ARMC2: variants seen among roughly 807,000 people sequenced by gnomAD.
The protein encoded by ARMC2 is armadillo repeat containing 2, also known as armadillo repeat-containing protein 2.
ARMC2 carries 67 observed loss-of-function variants against 90.3 expected under a neutral mutation model. That is an observed-to-expected ratio of 0.74 (90% CI 0.61 to 0.91). ARMC2 has a LOEUF of 0.91. Among genes scored for constraint, ARMC2 ranks in the 40% least tolerant of loss-of-function variants. The probability of loss-of-function intolerance (pLI) is 0.00; values close to 1 mark genes in which losing one functional copy is unlikely to be tolerated. For missense variants in ARMC2, 920 were observed against 1,030.9 expected (o/e 0.89, Z 1.47); for synonymous variants, 393 against 393.0 (o/e 1.00, Z 0.00).
the ARMC2 span, chr6:108,998,764 GA>G: frequency 0.024 from 24,284 of 992,434 alleles, 3 homozygotes; most frequent in South Asian, 0.048. Context: ...CCCTTAGGGG[GA>G]AAAAAAAAAA....
intron 10 of ARMC2, among the ~76,000 whole-genome samples, chr6:108,913,030 T>C (rs1773596905): frequency 6.6e-6 from 1 of 151,860 alleles, no homozygotes; most frequent in African/African-American, 2.4e-5. Context: ...CCCGAGACTG[T>C]AGGAATGCAG....
intron 5 of ARMC2, among the ~76,000 whole-genome samples, chr6:108,892,802 T>TA (rs1771222540): frequency 1.4e-5 from 2 of 147,432 alleles, no homozygotes; most frequent in Admixed American, 1.4e-4. Flanking sequence ...GTTAATGAAG[T>TA]AAAAAATGGT....
chr6:109,047,802 C>G, the ARMC2 span, among the ~76,000 whole-genome samples: 3 of 144,362 alleles, frequency 2.1e-5, no homozygotes, highest in Non-Finnish European at 4.6e-5. Context: ...TACCCCCAAC[C>G]CTGTGCTCTC....
chr6:109,009,528 C>A, the ARMC2 span: 3 of 1,177,288 alleles, frequency 2.5e-6, no homozygotes, highest in Non-Finnish European at 2.1e-6. Context: ...CGGCTCCTGG[C>A]TGCAGCGCCT....
At chr6:108,884,925 A>G (rs1343603424) in intron 5 of ARMC2, among the ~76,000 whole-genome samples, 2 of 152,214 alleles carry the variant, frequency 1.3e-5, no homozygotes, top group Non-Finnish European at 2.9e-5. Flanking sequence ...CCTGCATGGC[A>G]CTGGTTAACA....
rs539672206 is a variant in ARMC2, at chr6:108,854,579, A to G, written c.218+94A>G. ...ACTTAAGGTTAGCTTTTAAAAATAG[A>G]CTTATTTTTTAGAACAGTTTTAAGT... is the stretch of plus-strand genomic sequence containing the variant. On this transcript the variant is annotated intron_variant, in intron 2 of 17. Transcript: ENST00000392644. 1.9e-4 allele frequency: 249 copies of G among 1,280,790 alleles called. 1 individual carries two copies. In the African/African-American group the frequency reaches 3.4e-3, roughly 18 times the overall value. 79.3% of individuals were successfully genotyped at this position (1,280,790 alleles called of 1,614,324 possible).
At chr6:108,907,475 T>TA in intron 8 of ARMC2, 1 of 500,820 alleles carries the variant, frequency 2.0e-6, no homozygotes, top group South Asian at 4.6e-5. Flanking sequence ...TTTTTTTTTT[T>TA]TTACCAGTCA....
chr6:108,923,464 T>A (rs58658971), intron 10 of ARMC2, among the ~76,000 whole-genome samples: 106 of 152,062 alleles, frequency 7.0e-4, no homozygotes, highest in African/African-American at 2.3e-3. Flanking sequence ...CACAGATTTA[T>A]CTCTGTTCAA....
chr6:108,872,859 G>C lies in ARMC2; in HGVS notation c.464-3284G>C, dbSNP rs538566865. Reference sequence around the variant, plus strand: ...GTTAATAGCTTCTCTTTGGAAAAAGGGTTCAGTGCTCAAATAGGTCAGGGA... The same window carrying C: ...GTTAATAGCTTCTCTTTGGAAAAAGCGTTCAGTGCTCAAATAGGTCAGGGA... On this transcript the variant is annotated intron_variant, in intron 4 of 17. Transcript: ENST00000392644. Among the ~76,000 whole-genome samples, 17 of 152,268 alleles carry C rather than the reference G, an allele frequency of 1.1e-4. No homozygotes were observed. In the South Asian group the frequency reaches 3.3e-3, roughly 30 times the overall value.
At chr6:108,859,929 G>A (rs1042905380) in intron 3 of ARMC2, among the ~76,000 whole-genome samples, 3 of 151,716 alleles carry the variant, frequency 2.0e-5, no homozygotes, top group Non-Finnish European at 2.9e-5. Flanking sequence ...GCTTGAACTC[G>A]GGAGATGGAG....
the ARMC2 span, chr6:108,992,994 G>T: frequency 1.4e-6 from 1 of 723,840 alleles, no homozygotes; most frequent in South Asian, 1.7e-5. Context: ...CTCTTTCTCT[G>T]ATACTGAGTG....
intron 5 of ARMC2, among the ~76,000 whole-genome samples, chr6:108,881,876 T>A (rs1777613740): frequency 6.6e-6 from 1 of 152,192 alleles, no homozygotes; most frequent in Non-Finnish European, 1.5e-5. Flanking sequence ...GAAAACAGAC[T>A]AAAATTTAAG....
At chr6:108,921,108 T>C (rs1190682571) in intron 10 of ARMC2, among the ~76,000 whole-genome samples, 2 of 152,194 alleles carry the variant, frequency 1.3e-5, no homozygotes, top group African/African-American at 4.8e-5. Context: ...GTGGTTTCAT[T>C]GCTTGGTAGT....
chr6:108,894,703 A>G (rs1293027382), intron 6 of ARMC2, among the ~76,000 whole-genome samples, 160 bp downstream of exon 6: 1 of 151,364 alleles, frequency 6.6e-6, no homozygotes. Context: ...TATTCATACA[A>G]TGTTACCATC....
intron 6 of ARMC2, 52 bp from the exon 7 acceptor site, chr6:108,899,642 A>G (rs1409770324): frequency 2.1e-6 from 3 of 1,396,444 alleles, no homozygotes; most frequent in African/African-American, 2.8e-5. Flanking sequence ...ACCATGCTTC[A>G]TGACAACTCC....
At chr6:108,980,045 T>C in the ARMC2 span, among the ~76,000 whole-genome samples, 5 of 151,766 alleles carry the variant, frequency 3.3e-5, no homozygotes, top group African/African-American at 1.2e-4. Flanking sequence ...TGGCAAGGAG[T>C]CGTGATCTTT....
At chr6:108,949,181 T>G (rs968094440) in intron 12 of ARMC2, among the ~76,000 whole-genome samples, 2 of 152,208 alleles carry the variant, frequency 1.3e-5, no homozygotes, top group Non-Finnish European at 2.9e-5. Context: ...TTGTTTAACA[T>G]GCTTTTATGG....
chr6:109,030,349 CTCTATGTCCAGAGCAT>C, the ARMC2 span, among the ~76,000 whole-genome samples: 1 of 152,194 alleles, frequency 6.6e-6, no homozygotes, highest in Admixed American at 6.5e-5. Context: ...ATGATCAAGG[CTCTATGTCCAGAGCAT>C]TTATGTAAAG....
At chr6:108,854,819 A>G (rs532549161) in intron 2 of ARMC2, among the ~76,000 whole-genome samples, 1 of 152,322 alleles carries the variant, frequency 6.6e-6, no homozygotes, top group African/African-American at 2.4e-5. Flanking sequence ...CAAATTTCTG[A>G]TGACATGTAA....
Sources: allele counts gnomAD v4.1 joint callset (sites outside exome capture counted in the v4.1 genomes callset), GRCh38; gene constraint gnomAD v4.1.1; transcripts MANE v1.5; gene names NCBI Gene and HGNC (gene_info 2026-07-23, HGNC 2026-07-21).